The following TELO2 variants were observed in gnomAD, a reference collection of about 807,000 sequenced individuals.
TELO2 encodes the protein telomere maintenance 2.
TELO2 carries 71 observed loss-of-function variants against 91.0 expected under a neutral mutation model. That is an observed-to-expected ratio of 0.78 (90% CI 0.64 to 0.95). TELO2 has a LOEUF of 0.95. Among genes scored for constraint, TELO2 ranks in the 40% least tolerant of loss-of-function variants. TELO2 has a pLI of 0.00. For missense variants in TELO2, 1,183 were observed against 1,141.3 expected, an observed-to-expected ratio of 1.04 and a Z score of -0.53; for synonymous variants, 584 against 518.9, an observed-to-expected ratio of 1.13 and a Z score of -1.71.
At chr16:1,506,202 C>T in intron 16 of TELO2, 36 bp from the exon 17 acceptor site, 2 of 1,609,970 alleles carry the variant, frequency 1.2e-6, no homozygotes, top group African/African-American at 1.3e-5. Context: ...CTGCCCAAGC[C>T]TGCACCTCCG....
chr16:1,500,893 G>A (rs1596259201), intron 9 of TELO2, among the ~76,000 whole-genome samples, 194 bp downstream of exon 9: 1 of 152,234 alleles, frequency 6.6e-6, no homozygotes, highest in Non-Finnish European at 1.5e-5. Flanking sequence ...CACAGGGTCG[G>A]GTGAGCACAG....
At position 1,505,118 on chromosome 16, in the gene TELO2, G is replaced by A. The variant is rs181478921; in HGVS notation, c.1843-292G>A. On this transcript the variant is annotated intron_variant, in intron 15 of 20. Transcript: ENST00000262319. The surrounding 1 kb of genome is among the most constrained non-coding windows in gnomAD (Gnocchi z 4.3). ...TGTGAGGCCGACTTCCTGGGATAAGGGCATGTGGCTCTGGCGTGGCGGGAC... is the reference window on the plus strand; with the variant it reads ...TGTGAGGCCGACTTCCTGGGATAAGAGCATGTGGCTCTGGCGTGGCGGGAC... 1.8e-3 allele frequency: 678 copies of A among 382,498 alleles called. 2 individuals are homozygous for A. Among genetic ancestry groups the A allele is most frequent in the Non-Finnish European group, 2.8e-3 (580 of 209,394 alleles). 23.7% of individuals were successfully genotyped at this position (382,498 alleles called of 1,614,324 possible). A position where few individuals can be genotyped will look rare whatever the true frequency, so the allele number is the denominator to read the frequency against.
In TELO2 at chr16:1,494,058, G is replaced by A. The variant is rs1479280088; in HGVS notation, c.-36-188G>A. Among the ~76,000 whole-genome samples, 2 of 152,152 alleles carry A rather than the reference G, an allele frequency of 1.3e-5. No individual in the cohort carries two copies. Among genetic ancestry groups the A allele is most frequent in the Non-Finnish European group, 2.9e-5 (2 of 68,028 alleles). On this transcript the variant is annotated intron_variant, in intron 1 of 20. Transcript: ENST00000262319. The surrounding 1 kb of genome is among the most constrained non-coding windows in gnomAD (Gnocchi z 5.6). Reference sequence around the variant, plus strand: ...GAGAAGCCCTGCAGTGGCTGGTAGCGTTGGGGTCCGAGCGGAGGAGCGAAC... The same window carrying A: ...GAGAAGCCCTGCAGTGGCTGGTAGCATTGGGGTCCGAGCGGAGGAGCGAAC...
At chr16:1,500,289 C>A in intron 7 of TELO2, 58 bp from the exon 8 acceptor site, 1 of 1,533,634 alleles carries the variant, frequency 6.5e-7, no homozygotes, top group South Asian at 1.2e-5. Flanking sequence ...TGGCTGTGGG[C>A]CTGGCGGGGA....
chr16:1,501,952 T>TCCG, intron 11 of TELO2, 95 bp from the exon 12 acceptor site: 1 of 1,555,780 alleles, frequency 6.4e-7, no homozygotes, highest in Non-Finnish European at 8.9e-7. Flanking sequence ...AGGCGTGAGC[T>TCCG]CCGCATCTTG....
At chr16:1,500,806 G>A (rs2039653146) in intron 9 of TELO2, 107 bp downstream of exon 9, 15 of 1,495,706 alleles carry the variant, frequency 1.0e-5, no homozygotes, top group East Asian at 4.8e-5. Context: ...CCAGACTTGC[G>A]GAGCGTCCGT....
rs2039871412 is a variant in TELO2 at position 1,505,731 on chromosome 16, G to C, written c.2034+130G>C. On this transcript the variant is annotated intron_variant, in intron 16 of 20. Transcript: ENST00000262319. The surrounding 1 kb of genome is among the most constrained non-coding windows in gnomAD (Gnocchi z 4.3). ...TCGCTGGGGATGGTGCCTTTGCCGG[G>C]ATTCCTGAAAGGCAGGGTCCATGGT... 3.3e-6 allele frequency: 4 copies of C among 1,224,482 alleles called. No individual in the cohort carries two copies. The highest frequency in any genetic ancestry group is 3.0e-5 in the South Asian group (2 of 66,574). 75.9% of individuals were successfully genotyped at this position (1,224,482 alleles called of 1,614,324 possible). A position where few individuals can be genotyped will look rare whatever the true frequency, so the allele number is the denominator to read the frequency against.
Position 1,508,793 on chromosome 16 carries a change from T to C in TELO2, c.2408-1037T>C, listed in dbSNP as rs891210043. Among the ~76,000 whole-genome samples, 26 of 152,156 alleles carry C rather than the reference T, an allele frequency of 1.7e-4. 1 individual carries two copies. Among genetic ancestry groups the C allele is most frequent in the Admixed American group, 9.8e-4 (15 of 15,282 alleles). On this transcript the variant is annotated intron_variant, in intron 20 of 20. Coordinates refer to ENST00000262319, the MANE Select transcript of TELO2 (RefSeq NM_016111.4). Reference sequence around the variant, plus strand: ...GCTGAAGAGCAGGGCACGGTACCGATGGACACGGGAAGGGCAGGCCCAGCT... The same window carrying C: ...GCTGAAGAGCAGGGCACGGTACCGACGGACACGGGAAGGGCAGGCCCAGCT...
intron 17 of TELO2, 48 bp from the exon 18 acceptor site, chr16:1,506,904 C>T: frequency 6.5e-7 from 1 of 1,537,198 alleles, no homozygotes; most frequent in South Asian, 1.2e-5. Flanking sequence ...GGTTGGGGAC[C>T]TGGCCCTGAG....
rs144255898 is a variant in TELO2, at chr16:1,494,718, T to A, written c.335+102T>A. The A allele has an allele frequency of 6.5e-3, 8,157 of 1,248,942 alleles. 51 individuals are homozygous for A. Among genetic ancestry groups the A allele is most frequent in the Non-Finnish European group, 6.9e-3 (6,370 of 920,944 alleles). The allele number at this position is 1,248,942 out of a possible 1,614,324, so 77.4% of individuals were successfully genotyped here. On this transcript the variant is annotated intron_variant, in intron 2 of 20. Coordinates refer to ENST00000262319, the MANE Select transcript of TELO2 (RefSeq NM_016111.4). This position sits in a 1 kb window ranked among gnomAD's most constrained non-coding sequence, Gnocchi z 5.6. The stretch of plus-strand genomic sequence containing the variant: ...AGCCTCTCTAGTCCCTGTGAGGGGC[T>A]AGAGAGAGAGCCTGCTCCTGGCTGA...
rs1372129963 is a variant in TELO2, at chr16:1,500,379, C to T, written c.1035C>T (p.Ser345=). The change falls in exon 8 of 21, where the codon AGC becomes AGT. Residue 345 remains serine, a synonymous_variant. Coordinates refer to ENST00000262319, the MANE Select transcript of TELO2 (RefSeq NM_016111.4). ...VLKELLETWG[S]SSAIRHTPLP... ...AGGAGCTGTTGGAGACGTGGGGCAG[C>T]AGCAGTGCCATCCGCCACACTCCCC... 23 of 1,596,652 alleles carry T rather than the reference C, an allele frequency of 1.4e-5. No homozygotes were observed. Among genetic ancestry groups the T allele is most frequent in the Non-Finnish European group, 2.0e-5 (23 of 1,173,636 alleles).
chr16:1,499,485 C>T, intron 6 of TELO2, 152 bp downstream of exon 6: 1 of 765,720 alleles, frequency 1.3e-6, no homozygotes, highest in Admixed American at 2.1e-5. Flanking sequence ...GTGGGTGCCT[C>T]CCTGCCCTGA....
In TELO2 at chr16:1,502,357, C is replaced by T. The variant is rs745537866; in HGVS notation, c.1606C>T (p.Arg536Trp). 19 of 1,604,850 alleles carry T rather than the reference C, an allele frequency of 1.2e-5. No homozygotes were observed. Among genetic ancestry groups the T allele is most frequent in the East Asian group, 4.5e-5 (2 of 44,532 alleles). Residue 536 changes from arginine (R) to tryptophan (W), a missense_variant, in exon 13 of 21, where the codon CGG becomes TGG. By Grantham distance (101) the Arg-to-Trp change is moderately radical (BLOSUM62 -3). Transcript: ENST00000262319. ...CATAGAGCGCTGGGAGGCAGCCCTG[C>T]GGGCCCTTGAGGGCCTGGTCTACAG... ...EDIERWEAAL[R>W]ALEGLVYRSP...
rs775197862 is a variant in TELO2 at position 1,509,976 on chromosome 16, A to G, written c.*40A>G. 1.3e-6 allele frequency: 2 copies of G among 1,532,864 alleles called. No homozygotes were observed. The highest frequency in any genetic ancestry group is 1.8e-6 in the Non-Finnish European group (2 of 1,130,088). The allele number at this position is 1,532,864 out of a possible 1,614,324, so 95.0% of individuals were successfully genotyped here. A position where few individuals can be genotyped will look rare whatever the true frequency, so the allele number is the denominator to read the frequency against. The stretch of plus-strand genomic sequence containing the variant: ...CCCAGGACCACCCTCGCCGACAGCA[A>G]GGCAGGCGGCTGAGCAGCGGCCTGG... On this transcript the variant is annotated 3_prime_UTR_variant, in exon 21 of 21. Transcript: ENST00000262319.
At chr16:1,508,078 T>C (rs1416532805) in intron 20 of TELO2, among the ~76,000 whole-genome samples, 1 of 152,156 alleles carries the variant, frequency 6.6e-6, no homozygotes, top group Non-Finnish European at 1.5e-5. Context: ...GGTCCCTCTG[T>C]GACCCCGCCC....
intron 20 of TELO2, among the ~76,000 whole-genome samples, chr16:1,509,257 C>T (rs903451341): frequency 6.6e-6 from 1 of 152,144 alleles, no homozygotes; most frequent in Non-Finnish European, 1.5e-5. Flanking sequence ...CTTTCACAGG[C>T]ACCTCCCACA....
intron 3 of TELO2, among the ~76,000 whole-genome samples, chr16:1,496,759 T>C (rs1165295476): frequency 6.6e-6 from 1 of 152,212 alleles, no homozygotes; most frequent in Non-Finnish European, 1.5e-5. Flanking sequence ...CTTTCTCTCC[T>C]TCCTCGGCAA....
chr16:1,509,992 A>C lies in TELO2; in HGVS notation c.*56A>C. The C allele has an allele frequency of 6.9e-7, 1 of 1,459,346 alleles. No homozygotes were observed. Among genetic ancestry groups the C allele is most frequent in the Non-Finnish European group, 9.4e-7 (1 of 1,068,790 alleles). The allele number at this position is 1,459,346 out of a possible 1,614,324, so 90.4% of individuals were successfully genotyped here. A position where few individuals can be genotyped will look rare whatever the true frequency, so the allele number is the denominator to read the frequency against. ...CCGACAGCAAGGCAGGCGGCTGAGC[A>C]GCGGCCTGGAGCAGCAGAGCCAGGC... On this transcript the variant is annotated 3_prime_UTR_variant, in exon 21 of 21. Transcript: ENST00000262319.
Position 1,505,611 on chromosome 16 carries a change from G to A in TELO2, c.2034+10G>A, listed in dbSNP as rs924441198. On this transcript the variant is annotated intron_variant, in intron 16 of 20. Transcript: ENST00000262319. The surrounding 1 kb of genome is among the most constrained non-coding windows in gnomAD (Gnocchi z 4.3). ...CCAGCGGCTCTCCAAGGTTAGTGGC[G>A]CCTGGTCAGCTCCTCACGGGCATGG... 2.1e-5 allele frequency: 34 copies of A among 1,606,238 alleles called. No individual in the cohort carries two copies. Among genetic ancestry groups the A allele is most frequent in the Admixed American group, 3.3e-5 (2 of 59,774 alleles).
Sources: gnomAD v4.1 joint callset for allele counts (sites outside exome capture counted in the v4.1 genomes callset) on GRCh38, gnomAD v4.1.1 for gene constraint, Gnocchi (gnomAD v3.1) non-coding constraint, MANE v1.5 for transcripts, NCBI Gene and HGNC (gene_info 2026-07-23, HGNC 2026-07-21) for gene names.